Variants in SYNE2 observed in about 807,000 individuals in gnomAD.
SYNE2 encodes the protein spectrin repeat containing nuclear envelope protein 2, also known as nesprin-2.
SYNE2 carries 431 observed loss-of-function variants against 856.3 expected under a neutral mutation model. That is an observed-to-expected ratio of 0.50 (90% CI 0.47 to 0.55). The LOEUF (loss-of-function observed/expected upper bound fraction) is 0.55, where lower values mean the gene tolerates loss of function less well. Among genes scored for constraint, SYNE2 ranks in the 20% least tolerant of loss-of-function variants. SYNE2 has a pLI of 0.00. For synonymous variants in SYNE2, 2,923 were observed against 2,872.3 expected (o/e 1.02, Z -0.56); for missense variants, 8,129 against 8,023.2 (o/e 1.01, Z -0.50).
intron 1 of SYNE2, among the ~76,000 whole-genome samples, chr14:63,785,281 A>G (rs1431029066): frequency 6.6e-6 from 1 of 152,072 alleles, no homozygotes; most frequent in Non-Finnish European, 1.5e-5. Flanking sequence ...AAACATGGCA[A>G]AACCCCGTCT....
chr14:63,839,324 C>T (rs955242732), intron 1 of SYNE2, among the ~76,000 whole-genome samples: 23 of 152,126 alleles, frequency 1.5e-4, no homozygotes, highest in African/African-American at 4.1e-4. Flanking sequence ...CCACCGCGCC[C>T]GGCCTAAGAT....
intron 110 of SYNE2, 73 bp from the exon 111 acceptor site, chr14:64,220,364 C>T (rs2098688751): frequency 1.9e-6 from 3 of 1,538,650 alleles, no homozygotes; most frequent in Non-Finnish European, 9.0e-7. Context: ...AATTTGTTCC[C>T]TACTGAGGTT....
At chr14:64,054,385 A>C (rs776906192) in intron 48 of SYNE2, among the ~76,000 whole-genome samples, 1 of 152,330 alleles carries the variant, frequency 6.6e-6, no homozygotes. Context: ...TAAAAATTTC[A>C]TGTTGAATTT....
intron 1 of SYNE2, among the ~76,000 whole-genome samples, chr14:63,763,401 C>T (rs572097648): frequency 1.5e-3 from 220 of 149,810 alleles, no homozygotes; most frequent in African/African-American, 5.0e-3. Flanking sequence ...ATTTTGTTTA[C>T]TTTTTTTTTT....
At chr14:64,116,026 C>T (rs540025107) in intron 66 of SYNE2, among the ~76,000 whole-genome samples, 80 of 152,110 alleles carry the variant, frequency 5.3e-4, no homozygotes, top group Non-Finnish European at 5.9e-4. Flanking sequence ...AATAAACTAG[C>T]TGGGCATGGT....
In SYNE2 at chr14:63,990,967, C is replaced by T. The variant is rs200503488; in HGVS notation, c.2498C>T (p.Ala833Val). The change falls in exon 21 of 116, where the codon GCG becomes GTG. Residue 833 changes from alanine to valine, a missense_variant. Ala to Val is a moderately conservative substitution (Grantham distance 64, BLOSUM62 0). Coordinates refer to ENST00000555002, the MANE Select transcript of SYNE2 (RefSeq NM_182914.3). ...VQINVVKLIA[A>V]LKNLTDVSPD... The stretch of plus-strand genomic sequence containing the variant: ...ATCAATGTGGTAAAACTCATTGCAG[C>T]GTTGAAGAACTTAACTGACGTTTCA... 39 of 1,613,884 alleles carry T rather than the reference C, an allele frequency of 2.4e-5. No homozygotes were observed. The highest frequency in any genetic ancestry group is 2.9e-5 in the Non-Finnish European group (34 of 1,179,964).
At chr14:63,967,086 A>C (rs2096403847) in intron 10 of SYNE2, among the ~76,000 whole-genome samples, 1 of 151,948 alleles carries the variant, frequency 6.6e-6, no homozygotes, top group Non-Finnish European at 1.5e-5. Context: ...GGATGGTCTC[A>C]ATCTCTTGAC....
chr14:63,863,978 C>CCAT (rs1894509082), intron 1 of SYNE2, among the ~76,000 whole-genome samples: 1 of 151,776 alleles, frequency 6.6e-6, no homozygotes, highest in South Asian at 2.1e-4. Context: ...CACGGCACCA[C>CCAT]GCTTGACTAA....
chr14:63,932,331 G>A (rs1047653862), intron 2 of SYNE2, among the ~76,000 whole-genome samples: 3 of 152,178 alleles, frequency 2.0e-5, no homozygotes, highest in Non-Finnish European at 4.4e-5. Flanking sequence ...GCAGTGAGCC[G>A]AGATCGTGCC....
intron 12 of SYNE2, among the ~76,000 whole-genome samples, chr14:63,977,266 G>A (rs1464307275): frequency 1.3e-5 from 2 of 152,052 alleles, no homozygotes; most frequent in African/African-American, 4.8e-5. Context: ...AGGCTGGAGT[G>A]CAGTGGCGCG....
At chr14:64,089,236 C>T (rs1352334836) in intron 58 of SYNE2, among the ~76,000 whole-genome samples, 1 of 151,766 alleles carries the variant, frequency 6.6e-6, no homozygotes, top group South Asian at 2.1e-4. Flanking sequence ...CATGGTGGCA[C>T]GTGCCTGTAA....
At chr14:64,122,488 C>T in intron 70 of SYNE2, 61 bp downstream of exon 70, 1 of 1,606,798 alleles carries the variant, frequency 6.2e-7, no homozygotes, top group Non-Finnish European at 8.5e-7. Context: ...AACAAGCATT[C>T]ATTAAATAAA....
At chr14:63,770,696 G>T (rs932457528) in intron 1 of SYNE2, among the ~76,000 whole-genome samples, 1 of 152,070 alleles carries the variant, frequency 6.6e-6, no homozygotes, top group Non-Finnish European at 1.5e-5. Flanking sequence ...AGGCTGAGCT[G>T]GGAGGATCAT....
intron 1 of SYNE2, among the ~76,000 whole-genome samples, chr14:63,847,301 T>A (rs1890258023): frequency 6.6e-6 from 1 of 151,072 alleles, no homozygotes; most frequent in African/African-American, 2.4e-5. Context: ...ATAATAATAA[T>A]AAATTAGTTG....
Position 64,223,226 on chromosome 14 carries a change from T to G in SYNE2, c.20228T>G (p.Val6743Gly). The change falls in exon 113 of 116, where the codon GTG becomes GGG. Residue 6743 changes from valine (V) to glycine (G), a missense_variant. Val to Gly is a moderately radical substitution (Grantham distance 109, BLOSUM62 -3). This residue lies in a region of SYNE2 where 5,410 missense variants were observed against 5,284.8 expected (regional missense o/e 1.02). Coordinates refer to ENST00000555002, the MANE Select transcript of SYNE2 (RefSeq NM_182914.3). ...EKELVERQPQ[V>G]DMLQEISNSL... ...GAGCTGGTAGAACGTCAACCTCAAG[T>G]GGACATGTTACAGGAGATTTCAAAC... The G allele has an allele frequency of 6.2e-7, 1 of 1,614,084 alleles. No individual in the cohort carries two copies.
chr14:64,149,654 C>T (rs953138168), intron 84 of SYNE2, among the ~76,000 whole-genome samples: 3 of 152,026 alleles, frequency 2.0e-5, no homozygotes, highest in African/African-American at 7.3e-5. Flanking sequence ...GAAGTATGTT[C>T]GTGATAAAGT....
Position 64,052,410 on chromosome 14 carries a change from T to C in SYNE2, c.8497T>C (p.Leu2833=). 6.2e-7 allele frequency: 1 copy of C among 1,613,274 alleles called. No homozygotes were observed. Among genetic ancestry groups the C allele is most frequent in the Admixed American group, 1.7e-5 (1 of 59,826 alleles). ...AAGATCACAGCAATTAGAATTTAAG[T>C]TGGAAGAAAGAAGCAATTTTTTTGC... ...TQRSQQLEFK[L]EERSNFFAII... is the part of the protein sequence containing the mutation. Residue 2833 remains leucine, a synonymous_variant, in exon 48 of 116, where the codon TTG becomes CTG. Transcript: ENST00000555002.
At chr14:63,935,142 A>G (rs2095814647) in intron 2 of SYNE2, among the ~76,000 whole-genome samples, 1 of 152,156 alleles carries the variant, frequency 6.6e-6, no homozygotes. Flanking sequence ...GAATTATAGG[A>G]CAAAATTGTG....
Position 64,132,288 on chromosome 14 carries a change from T to C in SYNE2, c.14364T>C (p.Ala4788=). 6.2e-7 allele frequency: 1 copy of C among 1,613,784 alleles called. No individual in the cohort carries two copies. Among genetic ancestry groups the C allele is most frequent in the South Asian group, 1.1e-5 (1 of 91,064 alleles). The change falls in exon 77 of 116, where the codon GCT becomes GCC. Residue 4788 remains alanine, a synonymous_variant. Coordinates refer to ENST00000555002, the MANE Select transcript of SYNE2 (RefSeq NM_182914.3). ...AGGTTTTTTTCCAGAAGCTTGTTGC[T>C]GACATGTTGTTGATCCAAGCATACT... The part of the protein sequence containing the change: ...NHKVFFQKLV[A]DMLLIQAYSA...
Sources: gnomAD v4.1 joint callset for allele counts (sites outside exome capture counted in the v4.1 genomes callset) on GRCh38, gnomAD v4.1.1 for gene constraint, gnomAD v4.1.1 regional missense constraint, MANE v1.5 for transcripts, NCBI Gene and HGNC (gene_info 2026-07-23, HGNC 2026-07-21) for gene names.